Variants in CSMD3 observed in about 807,000 individuals in gnomAD.
CSMD3 encodes CUB and Sushi multiple domains 3.
A neutral mutation model predicts 435.2 loss-of-function variants in CSMD3; 177 were observed. The ratio of observed to expected loss-of-function variants is 0.41; its 90% CI spans 0.36 to 0.46. The LOEUF (loss-of-function observed/expected upper bound fraction) is 0.46, where lower values mean the gene tolerates loss of function less well. Among genes scored for constraint, CSMD3 ranks in the 20% least tolerant of loss-of-function variants. The pLI is 0.34. For missense variants in CSMD3, 4,265 were observed against 4,504.6 expected, an observed-to-expected ratio of 0.95 and a Z score of 1.52; for synonymous variants, 1,656 against 1,520.5, an observed-to-expected ratio of 1.09 and a Z score of -2.07.
At chr8:112,544,409 C>T (rs1826965829) in intron 27 of CSMD3, among the ~76,000 whole-genome samples, 1 of 152,102 alleles carries the variant, frequency 6.6e-6, no homozygotes, top group Non-Finnish European at 1.5e-5. Context: ...ATTAATAAAA[C>T]TGCCCTCTTC....
At chr8:112,258,782 G>A (rs893993152) in intron 61 of CSMD3, among the ~76,000 whole-genome samples, 4 of 152,306 alleles carry the variant, frequency 2.6e-5, no homozygotes, top group African/African-American at 9.6e-5. Flanking sequence ...GCTCACGCCT[G>A]TAATCCCAGC....
chr8:112,918,126 A>T (rs1443810770), intron 10 of CSMD3, among the ~76,000 whole-genome samples: 3 of 151,964 alleles, frequency 2.0e-5, no homozygotes, highest in African/African-American at 4.8e-5. Flanking sequence ...TAATAAAAAT[A>T]ATTTTATACT....
At chr8:113,195,549 C>T (rs1270815763) in intron 3 of CSMD3, among the ~76,000 whole-genome samples, 1 of 150,318 alleles carries the variant, frequency 6.7e-6, no homozygotes, top group African/African-American at 2.4e-5. Context: ...TGCAGGAATG[C>T]TCTGTATTTT....
intron 13 of CSMD3, among the ~76,000 whole-genome samples, chr8:112,747,938 G>A (rs2077474074): frequency 7.2e-6 from 1 of 139,606 alleles, no homozygotes; most frequent in Non-Finnish European, 1.5e-5. Flanking sequence ...ACTCCCGCCT[G>A]GGCGACAGAA....
At chr8:113,359,595 C>T (rs2094257633) in intron 1 of CSMD3, among the ~76,000 whole-genome samples, 1 of 152,174 alleles carries the variant, frequency 6.6e-6, no homozygotes, top group Non-Finnish European at 1.5e-5. Flanking sequence ...GAACAGCAAA[C>T]ATTCTTCTAG....
At chr8:112,272,874 T>C (rs527371327) in intron 59 of CSMD3, among the ~76,000 whole-genome samples, 1 of 152,310 alleles carries the variant, frequency 6.6e-6, no homozygotes, top group Non-Finnish European at 1.5e-5. Flanking sequence ...TTTGGGGGTT[T>C]TTATTTACGC....
At chr8:112,278,263 TAG>T (rs368540960) in intron 59 of CSMD3, among the ~76,000 whole-genome samples, 3 of 152,156 alleles carry the variant, frequency 2.0e-5, no homozygotes, top group African/African-American at 4.8e-5. Flanking sequence ...GCCACCTGGC[TAG>T]AGAGTGCTTG....
In CSMD3 at chr8:113,005,912, A is replaced by T. The variant is rs146703991; in HGVS notation, c.1030+13155T>A. Among the ~76,000 whole-genome samples the T allele has an allele frequency of 5.9e-3, 897 of 152,126 alleles. 4 individuals are homozygous for T. The highest frequency in any genetic ancestry group is 0.019 in the African/African-American group (798 of 41,532). ...TATATATGATTTGCCTGATAACAAG[A>T]TTTATCACAAAAAATTTTTCCAAAC... On this transcript the variant is annotated intron_variant, in intron 6 of 70. Transcript: ENST00000297405.
intron 1 of CSMD3, among the ~76,000 whole-genome samples, chr8:113,375,081 A>T (rs2094372879): frequency 6.6e-6 from 1 of 152,126 alleles, no homozygotes; most frequent in Admixed American, 6.5e-5. Context: ...GAAGTTTACC[A>T]AAATTTCTCT....
chr8:112,828,232 G>A (rs1035531357), intron 12 of CSMD3, among the ~76,000 whole-genome samples: 1 of 152,134 alleles, frequency 6.6e-6, no homozygotes, highest in Non-Finnish European at 1.5e-5. Flanking sequence ...CAAAAATGCT[G>A]ATCATTTTCA....
In CSMD3 at chr8:112,690,718, C is replaced by A. The variant is rs74582913; in HGVS notation, c.1973-668G>T. Reference sequence around the variant, plus strand: ...AGAGATTGAAAAAAATATTTTAACACCATTAAAACAACCTTTGAGATGTAT... The same window carrying A: ...AGAGATTGAAAAAAATATTTTAACAACATTAAAACAACCTTTGAGATGTAT... On this transcript the variant is annotated intron_variant, in intron 13 of 70. Transcript: ENST00000297405. 3.6e-3 allele frequency among the ~76,000 whole-genome samples: 545 copies of A among 151,692 alleles called. 7 individuals are homozygous for A. Among genetic ancestry groups the A allele is most frequent in the African/African-American group, 0.013 (522 of 41,410 alleles).
intron 10 of CSMD3, among the ~76,000 whole-genome samples, chr8:112,901,718 G>A (rs941258205): frequency 2.6e-5 from 4 of 151,266 alleles, no homozygotes; most frequent in African/African-American, 9.7e-5. Flanking sequence ...GGAGACCAAA[G>A]ACCATTCTCA....
At position 112,291,542 on chromosome 8, in the gene CSMD3, C is replaced by A. The variant is rs2130676273; in HGVS notation, c.8942G>T (p.Gly2981Val). The A allele has an allele frequency of 6.2e-7, 1 of 1,611,084 alleles. No individual in the cohort carries two copies. Among genetic ancestry groups the A allele is most frequent in the Non-Finnish European group, 8.5e-7 (1 of 1,177,856 alleles). Residue 2981 changes from glycine (G) to valine (V), a missense_variant, in exon 56 of 71, where the codon GGA (glycine) becomes GTA (valine). Gly to Val is a moderately radical substitution (Grantham distance 109). This residue lies in a region of CSMD3 where 3,255 missense variants were observed against 3,380.2 expected (regional missense o/e 0.96). Transcript: ENST00000297405. Reference protein sequence around the residue: ...GSSVLICQPNGQWDKPLPECI... With the variant: ...GSSVLICQPNVQWDKPLPECI... ...TTCTGGTAAAGGTTTGTCCCATTGT[C>A]CATTTGGTTGACATATCAAAACTGA...
intron 2 of CSMD3, among the ~76,000 whole-genome samples, chr8:113,305,513 G>C (rs2093812929): frequency 6.6e-6 from 1 of 152,118 alleles, no homozygotes; most frequent in Non-Finnish European, 1.5e-5. Context: ...ATAATCTAAG[G>C]AACAAAGTGT....
chr8:113,383,065 A>C (rs1439468960), intron 1 of CSMD3, among the ~76,000 whole-genome samples: 1 of 152,202 alleles, frequency 6.6e-6, no homozygotes, highest in East Asian at 1.9e-4. Flanking sequence ...TAAGGAAATG[A>C]GAAAATCTGT....
intron 32 of CSMD3, among the ~76,000 whole-genome samples, chr8:112,423,891 G>A (rs1341890555): frequency 2.6e-5 from 4 of 151,986 alleles, no homozygotes; most frequent in Admixed American, 6.6e-5. Context: ...AGTTCCATGC[G>A]TTGTCTAGGC....
At chr8:112,824,101 T>A (rs2079607015) in intron 12 of CSMD3, among the ~76,000 whole-genome samples, 1 of 152,196 alleles carries the variant, frequency 6.6e-6, no homozygotes, top group Admixed American at 6.5e-5. Flanking sequence ...TTTTTTATCT[T>A]TGTTGGTTTA....
chr8:112,859,372 A>G lies in CSMD3; in HGVS notation c.1634-106T>C, dbSNP rs1270564119. On this transcript the variant is annotated intron_variant, in intron 10 of 70. Transcript: ENST00000297405. Reference sequence around the variant, plus strand: ...TTACATTCAAAATGACACAATTATAACCACATTGAAATATATATTATGGTA... The same window carrying G: ...TTACATTCAAAATGACACAATTATAGCCACATTGAAATATATATTATGGTA... 7.6e-6 allele frequency: 7 copies of G among 921,312 alleles called. No homozygotes were observed. In the East Asian group the frequency reaches 1.9e-4, roughly 25 times the overall value. 57.1% of individuals were successfully genotyped at this position (921,312 alleles called of 1,614,324 possible). A position where few individuals can be genotyped will look rare whatever the true frequency, so the allele number is the denominator to read the frequency against.
intron 1 of CSMD3, among the ~76,000 whole-genome samples, chr8:113,409,623 CATTACACTCTTAATTCTCAATGGGA>C (rs1399276708): frequency 6.6e-6 from 1 of 152,130 alleles, no homozygotes; most frequent in Non-Finnish European, 1.5e-5. Flanking sequence ...TCTGGATTTT[CATTACACTCTTAATTCTCAATGGGA>C]ATTATTCGGT....
Sources: allele counts gnomAD v4.1 joint callset (sites outside exome capture counted in the v4.1 genomes callset), GRCh38; gene constraint gnomAD v4.1.1; regional missense constraint gnomAD v4.1.1; transcripts MANE v1.5; gene names NCBI Gene and HGNC (gene_info 2026-07-23, HGNC 2026-07-21).